PRKCA: variants seen among roughly 807,000 people sequenced by gnomAD.
PRKCA encodes protein kinase C alpha type.
In PRKCA, 27 loss-of-function variants were observed where a neutral mutation model predicts 87.0. The observed-to-expected ratio is 0.31, with a 90% CI of 0.23 to 0.43. PRKCA has a LOEUF of 0.43. Ranked by LOEUF, PRKCA falls within the 20% of genes least tolerant of loss-of-function variation. The pLI is 1.00. For missense variants in PRKCA, 518 were observed against 852.3 expected (o/e 0.61, Z 4.88); for synonymous variants, 329 against 311.1 (o/e 1.06, Z -0.61).
intron 13 of PRKCA, among the ~76,000 whole-genome samples, chr17:66,762,884 G>C (rs368736442): frequency 2.0e-5 from 3 of 152,230 alleles, no homozygotes; most frequent in East Asian, 3.9e-4. Flanking sequence ...TCTACCTCCC[G>C]GGTTCAAGCG....
chr17:66,560,122 C>T (rs948780713), intron 3 of PRKCA, among the ~76,000 whole-genome samples: 1 of 152,062 alleles, frequency 6.6e-6, no homozygotes, highest in Non-Finnish European at 1.5e-5. Context: ...TGATCAATCC[C>T]TGTGCATTGG....
intron 2 of PRKCA, among the ~76,000 whole-genome samples, chr17:66,388,997 A>T (rs1185025052): frequency 2.0e-5 from 3 of 152,210 alleles, no homozygotes; most frequent in African/African-American, 7.2e-5. Flanking sequence ...GGAAATCGTG[A>T]ATTCGTGGAC....
rs74342379 is a variant in PRKCA at position 66,719,893 on chromosome 17, G to T, written c.919-12795G>T. ...TACAACAAGAGGCAGCCTTGCTGTA[G>T]AAATTATTTTAAAGCAACATTTCTG... On this transcript the variant is annotated intron_variant, in intron 8 of 16. Coordinates refer to ENST00000413366, the MANE Select transcript of PRKCA (RefSeq NM_002737.3). Among the ~76,000 whole-genome samples the T allele has an allele frequency of 1.5e-3, 228 of 152,330 alleles. 1 individual carries two copies. The highest frequency in any genetic ancestry group is 5.3e-3 in the African/African-American group (219 of 41,578).
chr17:66,580,694 G>A (rs568632953), intron 3 of PRKCA, among the ~76,000 whole-genome samples: 10 of 152,192 alleles, frequency 6.6e-5, no homozygotes, highest in East Asian at 1.9e-4. Flanking sequence ...GTGGGTTTTC[G>A]CCAACTAAAC....
At chr17:66,780,060 A>T (rs1230513763) in intron 14 of PRKCA, among the ~76,000 whole-genome samples, 1 of 152,182 alleles carries the variant, frequency 6.6e-6, no homozygotes, top group Non-Finnish European at 1.5e-5. Flanking sequence ...TGCTCCAGGG[A>T]GACTTGAGCC....
At chr17:66,333,157 A>G (rs1266530135) in intron 2 of PRKCA, among the ~76,000 whole-genome samples, 1 of 152,236 alleles carries the variant, frequency 6.6e-6, no homozygotes, top group Non-Finnish European at 1.5e-5. Flanking sequence ...TAGCTTTCCC[A>G]GAGAAACTGA....
intron 3 of PRKCA, among the ~76,000 whole-genome samples, chr17:66,589,858 T>C (rs1969743161): frequency 6.6e-6 from 1 of 152,072 alleles, no homozygotes; most frequent in Admixed American, 6.5e-5. Flanking sequence ...TGTGGTGTGG[T>C]TTCAGGATGA....
intron 11 of PRKCA, among the ~76,000 whole-genome samples, chr17:66,740,287 G>A (rs1974128769): frequency 6.6e-6 from 1 of 152,150 alleles, no homozygotes; most frequent in Non-Finnish European, 1.5e-5. Context: ...GGGGTGTGGG[G>A]AGCTGGAACT....
At chr17:66,504,726 G>T (rs145563000) in intron 3 of PRKCA, among the ~76,000 whole-genome samples, 2 of 152,274 alleles carry the variant, frequency 1.3e-5, no homozygotes, top group Non-Finnish European at 2.9e-5. Flanking sequence ...TCATAAAGAT[G>T]GTGACATTTC....
At chr17:66,402,143 T>G (rs1178558292) in intron 2 of PRKCA, among the ~76,000 whole-genome samples, 1 of 152,062 alleles carries the variant, frequency 6.6e-6, no homozygotes, top group East Asian at 1.9e-4. Flanking sequence ...GAGTGAGTGG[T>G]CAGGAACTTC....
At chr17:66,317,369 G>C (rs1430053444) in intron 2 of PRKCA, among the ~76,000 whole-genome samples, 1 of 152,124 alleles carries the variant, frequency 6.6e-6, no homozygotes, top group Admixed American at 6.5e-5. Flanking sequence ...CTGGGATTGA[G>C]ATTTGAGAAA....
intron 16 of PRKCA, among the ~76,000 whole-genome samples, chr17:66,802,225 A>G (rs756695234): frequency 4.3e-4 from 66 of 152,176 alleles, no homozygotes; most frequent in Admixed American, 3.8e-3. Context: ...GTCTCAAAAA[A>G]GAAAAAAAAA....
chr17:66,768,309 A>G (rs891119185), intron 13 of PRKCA, among the ~76,000 whole-genome samples: 9 of 150,984 alleles, frequency 6.0e-5, no homozygotes, highest in African/African-American at 2.0e-4. Context: ...CTGGTCTCCA[A>G]TTCCTGGACT....
chr17:66,501,575 G>A (rs1567861564), intron 3 of PRKCA, among the ~76,000 whole-genome samples: 1 of 152,226 alleles, frequency 6.6e-6, no homozygotes, highest in African/African-American at 2.4e-5. Context: ...CTCATGGAAT[G>A]AGCAGCAGCT....
intron 8 of PRKCA, among the ~76,000 whole-genome samples, chr17:66,730,673 T>A (rs1973863323): frequency 6.6e-6 from 1 of 152,244 alleles, no homozygotes; most frequent in South Asian, 2.1e-4. Flanking sequence ...ACTGCTTTCA[T>A]TGCCTTGTTG....
intron 3 of PRKCA, among the ~76,000 whole-genome samples, chr17:66,547,434 A>G (rs1367580877): frequency 6.6e-6 from 1 of 151,952 alleles, no homozygotes; most frequent in African/African-American, 2.4e-5. Context: ...GTCATCTCCT[A>G]GCATCTAGGA....
At chr17:66,342,780 A>G (rs535155739) in intron 2 of PRKCA, among the ~76,000 whole-genome samples, 1 of 152,324 alleles carries the variant, frequency 6.6e-6, no homozygotes, top group African/African-American at 2.4e-5. Flanking sequence ...TATTTTCACC[A>G]TCTCTTAATC....
At position 66,466,886 on chromosome 17, in the gene PRKCA, A is replaced by C. The variant is rs1291400358; in HGVS notation, c.206-29315A>C. Among the ~76,000 whole-genome samples the C allele has an allele frequency of 2.6e-5, 4 of 152,048 alleles. 1 individual carries two copies. In the South Asian group the frequency reaches 8.3e-4, roughly 32 times the overall value. On this transcript the variant is annotated intron_variant, in intron 2 of 16. Transcript: ENST00000413366. ...CTCTTCCTTCATTTAAAAAAAAAAA[A>C]GACTTAAATTACTCATGCCCTCAGT...
intron 2 of PRKCA, among the ~76,000 whole-genome samples, chr17:66,398,952 A>G (rs1327778354): frequency 6.6e-6 from 1 of 152,048 alleles, no homozygotes; most frequent in African/African-American, 2.4e-5. Context: ...CGATTTTTGT[A>G]TTTACTGGTT....
Sources: gnomAD v4.1 joint callset for allele counts (sites outside exome capture counted in the v4.1 genomes callset) on GRCh38, gnomAD v4.1.1 for gene constraint, MANE v1.5 for transcripts, NCBI Gene and HGNC (gene_info 2026-07-23, HGNC 2026-07-21) for gene names.